CRPPA: variants seen among roughly 807,000 people sequenced by gnomAD.
CRPPA encodes the protein CDP-L-ribitol pyrophosphorylase A, also known as D-ribitol-5-phosphate cytidylyltransferase.
CRPPA carries 43 observed loss-of-function variants against 52.0 expected under a neutral mutation model. The ratio of observed to expected loss-of-function variants is 0.83; its 90% CI spans 0.65 to 1.07. The LOEUF (loss-of-function observed/expected upper bound fraction) is 1.07. Ranked by LOEUF, CRPPA falls within the 50% of genes least tolerant of loss-of-function variation. CRPPA has a pLI of 0.00. For synonymous variants in CRPPA, 250 were observed against 203.5 expected, an observed-to-expected ratio of 1.23 and a Z score of -1.94; for missense variants, 629 against 551.7, an observed-to-expected ratio of 1.14 and a Z score of -1.40.
At chr7:16,388,769 G>A (rs541934712) in intron 2 of CRPPA, among the ~76,000 whole-genome samples, 5 of 152,180 alleles carry the variant, frequency 3.3e-5, no homozygotes, top group African/African-American at 7.2e-5. Context: ...CCAGTTACTC[G>A]GGAGGGTGAG....
chr7:16,117,759 G>T (rs757433707), intron 9 of CRPPA, among the ~76,000 whole-genome samples: 4 of 152,108 alleles, frequency 2.6e-5, no homozygotes, highest in Admixed American at 1.3e-4. Context: ...TGTAAGAAAG[G>T]CCTCACGTGT....
intron 9 of CRPPA, among the ~76,000 whole-genome samples, chr7:16,174,265 A>G (rs1376548934): frequency 1.3e-5 from 2 of 152,156 alleles, no homozygotes; most frequent in Non-Finnish European, 2.9e-5. Flanking sequence ...ATGGGGGGAA[A>G]ATGCAAGGTT....
chr7:16,355,039 A>G (rs917149864), intron 3 of CRPPA, among the ~76,000 whole-genome samples: 2 of 152,238 alleles, frequency 1.3e-5, no homozygotes, highest in African/African-American at 4.8e-5. Flanking sequence ...AACCTAATCA[A>G]AAAGATATTT....
intron 9 of CRPPA, among the ~76,000 whole-genome samples, chr7:16,104,296 G>A (rs937641451): frequency 6.6e-6 from 1 of 152,170 alleles, no homozygotes; most frequent in African/African-American, 2.4e-5. Context: ...AAGAGCAGAA[G>A]CAATCCTTTC....
At chr7:16,377,390 C>G (rs1269610567) in intron 2 of CRPPA, among the ~76,000 whole-genome samples, 2 of 152,170 alleles carry the variant, frequency 1.3e-5, no homozygotes, top group South Asian at 4.1e-4. Context: ...CATGTACACA[C>G]AAACATGCAT....
chr7:16,102,450 G>C (rs1196242747), intron 9 of CRPPA, among the ~76,000 whole-genome samples: 1 of 152,128 alleles, frequency 6.6e-6, no homozygotes, highest in Non-Finnish European at 1.5e-5. Flanking sequence ...AGCCAAAATT[G>C]ACAAATGGGA....
At chr7:16,291,207 T>C (rs753337117) in intron 5 of CRPPA, among the ~76,000 whole-genome samples, 2 of 151,956 alleles carry the variant, frequency 1.3e-5, no homozygotes, top group Admixed American at 6.6e-5. Flanking sequence ...AAGACCTCTA[T>C]GAAAAACAGT....
chr7:16,302,093 G>A (rs1051758169), intron 4 of CRPPA, among the ~76,000 whole-genome samples: 4 of 152,004 alleles, frequency 2.6e-5, no homozygotes, highest in African/African-American at 4.8e-5. Flanking sequence ...TCAGGAGATC[G>A]AGACCATCTT....
intron 9 of CRPPA, among the ~76,000 whole-genome samples, chr7:16,170,568 C>A (rs1583405614): frequency 1.3e-5 from 2 of 152,230 alleles, no homozygotes; most frequent in Admixed American, 6.5e-5. Context: ...AGCGAAAGAA[C>A]AAACCTTTCA....
intron 2 of CRPPA, among the ~76,000 whole-genome samples, chr7:16,379,973 C>T (rs1462289908): frequency 2.0e-5 from 3 of 152,028 alleles, no homozygotes; most frequent in African/African-American, 7.2e-5. Context: ...CAACTGAATA[C>T]CCTTTATTTC....
At chr7:16,352,465 T>G (rs901152401) in intron 3 of CRPPA, among the ~76,000 whole-genome samples, 3 of 152,124 alleles carry the variant, frequency 2.0e-5, no homozygotes, top group Non-Finnish European at 4.4e-5. Flanking sequence ...TAGACATTTT[T>G]CAAAAGACAT....
rs1396614465 is a variant in CRPPA, at chr7:16,309,615, C to CT, written c.685-989dup. Among the ~76,000 whole-genome samples the CT allele has an allele frequency of 1.9e-4, 28 of 149,130 alleles. No individual in the cohort carries two copies. In the East Asian group the frequency reaches 2.6e-3, roughly 14 times the overall value. On this transcript the variant is annotated intron_variant, in intron 3 of 9. Transcript: ENST00000407010. ...ATTTGGTAGACTAATTTTTTTTCTT[C>CT]TTTTTTTTTTGAGACAGAGTTCTTG... is the stretch of plus-strand genomic sequence containing the variant.
chr7:16,087,619 T>C lies in CRPPA; in HGVS notation c.*4076A>G, dbSNP rs1200581200. 1 of 152,070 alleles carries C rather than the reference T, an allele frequency of 6.6e-6. No homozygotes were observed. The highest frequency in any genetic ancestry group is 1.5e-5 in the Non-Finnish European group (1 of 67,958). The allele number at this position is 152,070 out of a possible 1,614,324, so 9.4% of individuals were successfully genotyped here. ...ACTTTTCAATGTCACCTTAAAAATA[T>C]GCATATGCTTCTTACAATTTTGAAA... On this transcript the variant is annotated 3_prime_UTR_variant, in exon 10 of 10. Transcript: ENST00000407010.
chr7:16,342,703 A>C (rs1196974462), intron 3 of CRPPA, among the ~76,000 whole-genome samples: 1 of 146,326 alleles, frequency 6.8e-6, no homozygotes, highest in African/African-American at 2.5e-5. Context: ...TCACCTCAAG[A>C]GGTGATCTGA....
chr7:16,221,858 C>G (rs1335541754), intron 8 of CRPPA, among the ~76,000 whole-genome samples: 51 of 150,634 alleles, frequency 3.4e-4, no homozygotes, highest in African/African-American at 1.1e-3. Context: ...GGACTGTAAA[C>G]TAGTTCAACC....
chr7:16,216,224 G>A (rs761155054), intron 8 of CRPPA, 27 bp from the exon 9 acceptor site: 148 of 1,452,710 alleles, frequency 1.0e-4, no homozygotes, highest in Non-Finnish European at 1.3e-4. Context: ...ACAGTATTTA[G>A]AATATCATTC....
At chr7:16,361,973 G>T (rs1236498325) in intron 3 of CRPPA, among the ~76,000 whole-genome samples, 1 of 152,060 alleles carries the variant, frequency 6.6e-6, no homozygotes, top group Non-Finnish European at 1.5e-5. Context: ...TCCTGCCTCA[G>T]CCTCCCGAGT....
chr7:16,328,962 T>C (rs947989084), intron 3 of CRPPA, among the ~76,000 whole-genome samples: 6 of 152,092 alleles, frequency 3.9e-5, no homozygotes, highest in African/African-American at 1.4e-4. Flanking sequence ...CCTTTGAAAA[T>C]TGCTTTCTTG....
intron 9 of CRPPA, among the ~76,000 whole-genome samples, chr7:16,198,980 C>T (rs952513730): frequency 6.6e-6 from 1 of 152,194 alleles, no homozygotes; most frequent in Non-Finnish European, 1.5e-5. Flanking sequence ...TTTCCAGCCT[C>T]TCTGAGTAAA....
Sources: allele counts gnomAD v4.1 joint callset (sites outside exome capture counted in the v4.1 genomes callset), GRCh38; gene constraint gnomAD v4.1.1; transcripts MANE v1.5; gene names NCBI Gene and HGNC (gene_info 2026-07-23, HGNC 2026-07-21).